The following SIRT1 variants were observed in gnomAD, a reference collection of about 807,000 sequenced individuals.
SIRT1 encodes NAD-dependent protein deacetylase sirtuin-1.
In SIRT1, 24 loss-of-function variants were observed where a neutral mutation model predicts 67.9. The observed-to-expected ratio is 0.35, with a 90% CI of 0.26 to 0.50. SIRT1 has a LOEUF of 0.50. Ranked by LOEUF, SIRT1 falls within the 20% of genes least tolerant of loss-of-function variation. SIRT1 has a pLI of 0.98. For missense variants in SIRT1, 873 were observed against 937.2 expected, an observed-to-expected ratio of 0.93 and a Z score of 0.89; for synonymous variants, 378 against 350.7, an observed-to-expected ratio of 1.08 and a Z score of -0.87.
At chr10:67,891,605 A>G (rs762559903) in intron 4 of SIRT1, 51 bp downstream of exon 4, 12 of 1,587,884 alleles carry the variant, frequency 7.6e-6, no homozygotes, top group Non-Finnish European at 1.0e-5. Flanking sequence ...ATGAAAAAGT[A>G]TTTTGTTCAC....
chr10:67,892,943 A>G (rs909735602), intron 4 of SIRT1, among the ~76,000 whole-genome samples: 1 of 152,248 alleles, frequency 6.6e-6, no homozygotes, highest in Non-Finnish European at 1.5e-5. Context: ...TTAAAGTTAT[A>G]TGTATGTCTC....
chr10:67,908,747 C>A (rs1341420931), intron 6 of SIRT1, among the ~76,000 whole-genome samples: 3 of 152,072 alleles, frequency 2.0e-5, no homozygotes, highest in Non-Finnish European at 2.9e-5. Flanking sequence ...CTTAAAAATA[C>A]AAAAATTAGC....
At chr10:67,908,592 GGAA>G (rs1304444164) in intron 6 of SIRT1, among the ~76,000 whole-genome samples, 3 of 152,170 alleles carry the variant, frequency 2.0e-5, no homozygotes, top group African/African-American at 7.2e-5. Flanking sequence ...TTACGAAAGA[GGAA>G]GAATAGTATA....
At chr10:67,906,526 AT>A (rs1262118364) in intron 4 of SIRT1, among the ~76,000 whole-genome samples, 2 of 152,286 alleles carry the variant, frequency 1.3e-5, no homozygotes, top group Admixed American at 1.3e-4. Flanking sequence ...TTTTATTAAA[AT>A]ATCAACATTT....
intron 4 of SIRT1, among the ~76,000 whole-genome samples, chr10:67,902,788 T>A (rs1842763154): frequency 6.6e-6 from 1 of 152,172 alleles, no homozygotes; most frequent in South Asian, 2.1e-4. Flanking sequence ...CTCTAAAAAT[T>A]CTGATTTTTA....
rs763566753 is a variant in SIRT1 at position 67,908,073 on chromosome 10, T to G, written c.1118T>G (p.Ile373Ser). Residue 373 changes from isoleucine (I) to serine (S), a missense_variant, in exon 6 of 9, where the codon ATT (isoleucine) becomes AGT (serine). Around this residue, in one of 3 missense-constraint regions of SIRT1, gnomAD observed 251 missense variants for 358.8 expected, o/e 0.70. Coordinates refer to ENST00000212015, the MANE Select transcript of SIRT1 (RefSeq NM_012238.5). Reference sequence around the variant, plus strand: ...TCCTTTGCAACAGCATCTTGCCTGATTTGTAAATACAAAGTTGACTGTGAA... The same window carrying G: ...TCCTTTGCAACAGCATCTTGCCTGAGTTGTAAATACAAAGTTGACTGTGAA... ...HGSFATASCL[I>S]CKYKVDCEAV... The G allele has an allele frequency of 1.2e-6, 2 of 1,613,688 alleles. No individual in the cohort carries two copies. Among genetic ancestry groups the G allele is most frequent in the South Asian group, 2.2e-5 (2 of 91,006 alleles).
chr10:67,909,224 C>T lies in SIRT1; in HGVS notation c.1171-32C>T, dbSNP rs760301982. 11 of 1,527,966 alleles carry T rather than the reference C, an allele frequency of 7.2e-6. No homozygotes were observed. In the African/African-American group the frequency reaches 1.5e-4, roughly 21 times the overall value. 94.7% of individuals were successfully genotyped at this position (1,527,966 alleles called of 1,614,324 possible). A position where few individuals can be genotyped will look rare whatever the true frequency, so the allele number is the denominator to read the frequency against. On this transcript the variant is annotated intron_variant, in intron 6 of 8. Coordinates refer to ENST00000212015, the MANE Select transcript of SIRT1 (RefSeq NM_012238.5). ...TCTAACTTGGGCTTACTCTTTGCTT[C>T]TCTACCTCAACCAAAATCTGAAAAT...
chr10:67,891,327 A>G (rs1307561396), intron 3 of SIRT1, 75 bp from the exon 4 acceptor site: 4 of 1,339,598 alleles, frequency 3.0e-6, no homozygotes, highest in South Asian at 2.8e-5. Context: ...TTACCTAATT[A>G]TATGGTAAGA....
rs374434524 is a variant in SIRT1 at position 67,916,626 on chromosome 10, A to G, written c.*33A>G. 1.4e-5 allele frequency: 22 copies of G among 1,552,130 alleles called. No individual in the cohort carries two copies. The highest frequency in any genetic ancestry group is 1.9e-5 in the Non-Finnish European group (22 of 1,139,336). On this transcript the variant is annotated 3_prime_UTR_variant, in exon 9 of 9. Coordinates refer to ENST00000212015, the MANE Select transcript of SIRT1 (RefSeq NM_012238.5). The stretch of plus-strand genomic sequence containing the variant: ...ATTGTGCAGGTACAGGAATTGTTCC[A>G]CCAGCATTAGGAACTTTAGCATGTC...
chr10:67,886,657 C>CTAA (rs896636435), intron 1 of SIRT1, among the ~76,000 whole-genome samples: 1 of 151,482 alleles, frequency 6.6e-6, no homozygotes, highest in Non-Finnish European at 1.5e-5. Context: ...TATTATTTAC[C>CTAA]TAATAATAAT....
chr10:67,917,512 T>G lies in SIRT1; in HGVS notation c.*919T>G, dbSNP rs201543666. 3.9e-5 allele frequency: 6 copies of G among 152,630 alleles called. No individual in the cohort carries two copies. The highest frequency in any genetic ancestry group is 7.3e-5 in the Non-Finnish European group (5 of 68,040). The allele number at this position is 152,630 out of a possible 1,614,324, so 9.5% of individuals were successfully genotyped here. Reference sequence around the variant, plus strand: ...GCCAAAATGTGAATATGCAAAGCCTTTCTGAATCTATAATAATGGTACTTC... The same window carrying G: ...GCCAAAATGTGAATATGCAAAGCCTGTCTGAATCTATAATAATGGTACTTC... On this transcript the variant is annotated 3_prime_UTR_variant, in exon 9 of 9. Coordinates refer to ENST00000212015, the MANE Select transcript of SIRT1 (RefSeq NM_012238.5).
At chr10:67,889,291 A>G (rs1009792915) in intron 3 of SIRT1, among the ~76,000 whole-genome samples, 168 bp downstream of exon 3, 1 of 152,248 alleles carries the variant, frequency 6.6e-6, no homozygotes, top group Admixed American at 6.5e-5. Context: ...TCAGATTTTT[A>G]AAACCTCTCC....
intron 8 of SIRT1, among the ~76,000 whole-genome samples, chr10:67,915,581 TTC>T (rs2029885771): frequency 3.3e-5 from 5 of 152,170 alleles, no homozygotes; most frequent in Non-Finnish European, 7.3e-5. Context: ...TAAATTTAGG[TTC>T]ACAGGTGATA....
At chr10:67,913,052 A>C in intron 8 of SIRT1, 21 bp downstream of exon 8, 1 of 1,571,952 alleles carries the variant, frequency 6.4e-7, no homozygotes, top group Non-Finnish European at 8.6e-7. Flanking sequence ...CAGTCGGACC[A>C]TTTTGAAAGT....
intron 4 of SIRT1, among the ~76,000 whole-genome samples, chr10:67,893,316 G>C (rs1842602842): frequency 6.6e-6 from 1 of 152,026 alleles, no homozygotes; most frequent in Non-Finnish European, 1.5e-5. Flanking sequence ...CCTCCTGACA[G>C]GCCTCTGTGT....
chr10:67,890,735 GAAA>G (rs1159445613), intron 3 of SIRT1, among the ~76,000 whole-genome samples: 19 of 148,594 alleles, frequency 1.3e-4, no homozygotes, highest in Non-Finnish European at 4.5e-5. Flanking sequence ...TGTCTAAAAA[GAAA>G]AAAAACAAAA....
At chr10:67,898,044 G>A (rs1177881241) in intron 4 of SIRT1, among the ~76,000 whole-genome samples, 2 of 148,568 alleles carry the variant, frequency 1.3e-5, no homozygotes, top group Non-Finnish European at 3.0e-5. Flanking sequence ...GCCACAGCGG[G>A]CGGTCAAAAG....
intron 4 of SIRT1, among the ~76,000 whole-genome samples, chr10:67,898,810 T>G (rs1396748651): frequency 2.6e-5 from 4 of 152,198 alleles, no homozygotes; most frequent in Non-Finnish European, 4.4e-5. Flanking sequence ...CACACCAGCC[T>G]GAGTGACAGA....
intron 4 of SIRT1, among the ~76,000 whole-genome samples, chr10:67,895,760 T>TG (rs1554889880): frequency 9.5e-5 from 13 of 137,046 alleles, no homozygotes; most frequent in Admixed American, 2.2e-4. Flanking sequence ...TTTTTTTTTT[T>TG]GAGACAGTTT....
Sources: allele counts gnomAD v4.1 joint callset (sites outside exome capture counted in the v4.1 genomes callset), GRCh38; gene constraint gnomAD v4.1.1; regional missense constraint gnomAD v4.1.1; transcripts MANE v1.5; gene names NCBI Gene and HGNC (gene_info 2026-07-23, HGNC 2026-07-21).